PDGFD: variants seen among roughly 807,000 people sequenced by gnomAD.
The protein encoded by PDGFD is platelet-derived growth factor D.
A neutral mutation model predicts 44.7 loss-of-function variants in PDGFD; 30 were observed. That is an observed-to-expected ratio of 0.67 (90% CI 0.50 to 0.91). The LOEUF (loss-of-function observed/expected upper bound fraction) is 0.91. PDGFD is among the 40% of genes least tolerant of loss of function. The pLI, the probability that PDGFD is intolerant of heterozygous loss-of-function variation, is 0.00. For synonymous variants in PDGFD, 173 were observed against 168.4 expected (o/e 1.03, Z -0.21); for missense variants, 445 against 457.8 (o/e 0.97, Z 0.25).
intron 1 of PDGFD, among the ~76,000 whole-genome samples, chr11:104,033,618 G>A (rs1231022846): frequency 6.6e-6 from 1 of 151,928 alleles, no homozygotes. Flanking sequence ...AAAACAAAAG[G>A]AAGCTTATTC....
intron 3 of PDGFD, among the ~76,000 whole-genome samples, chr11:103,993,952 T>C (rs1859496773): frequency 1.3e-5 from 2 of 151,912 alleles, no homozygotes; most frequent in African/African-American, 4.8e-5. Context: ...AAATTGAATA[T>C]ACTGGTGGAG....
intron 1 of PDGFD, among the ~76,000 whole-genome samples, chr11:104,059,507 C>A (rs1591143574): frequency 1.3e-5 from 2 of 152,140 alleles, no homozygotes; most frequent in Non-Finnish European, 1.5e-5. Flanking sequence ...ATATTTAGCA[C>A]TAGATTGTTA....
chr11:103,971,879 TCAC>T (rs1198925346), intron 3 of PDGFD, among the ~76,000 whole-genome samples: 3 of 152,208 alleles, frequency 2.0e-5, no homozygotes, highest in Non-Finnish European at 4.4e-5. Context: ...TCGGGAATAC[TCAC>T]CACATGATTA....
At chr11:104,080,119 C>T (rs1248546135) in intron 1 of PDGFD, among the ~76,000 whole-genome samples, 1 of 151,916 alleles carries the variant, frequency 6.6e-6, no homozygotes, top group Non-Finnish European at 1.5e-5. Context: ...TACAGTGTGT[C>T]CTCTACAGAG....
intron 3 of PDGFD, among the ~76,000 whole-genome samples, chr11:103,982,018 T>C (rs937696135): frequency 1.3e-5 from 2 of 151,762 alleles, no homozygotes; most frequent in Non-Finnish European, 2.9e-5. Flanking sequence ...GTTATATGCT[T>C]CATTTCTATT....
At chr11:104,000,021 A>T (rs1211764067) in intron 2 of PDGFD, 30 bp downstream of exon 2, 2 of 1,551,868 alleles carry the variant, frequency 1.3e-6, no homozygotes, top group South Asian at 1.1e-5. Flanking sequence ...ACCTTGAAAT[A>T]GTACCGTAAA....
intron 2 of PDGFD, among the ~76,000 whole-genome samples, chr11:103,996,913 CA>C (rs1859541389): frequency 6.6e-6 from 1 of 152,104 alleles, no homozygotes; most frequent in African/African-American, 2.4e-5. Flanking sequence ...AGCTTAAGAC[CA>C]TAAGTTCACC....
chr11:103,995,056 T>G (rs1373810679), intron 3 of PDGFD, among the ~76,000 whole-genome samples: 1 of 152,084 alleles, frequency 6.6e-6, no homozygotes, highest in African/African-American at 2.4e-5. Context: ...TTTTTAAATT[T>G]TTTTTGTAGA....
At chr11:104,017,599 C>T (rs1050051846) in intron 1 of PDGFD, among the ~76,000 whole-genome samples, 1 of 152,156 alleles carries the variant, frequency 6.6e-6, no homozygotes, top group African/African-American at 2.4e-5. Flanking sequence ...ATTCCAATGC[C>T]TAAACACGAA....
At chr11:104,098,079 A>G (rs766786752) in intron 1 of PDGFD, among the ~76,000 whole-genome samples, 2 of 152,208 alleles carry the variant, frequency 1.3e-5, no homozygotes, top group Non-Finnish European at 2.9e-5. Context: ...GCCTGAAAAC[A>G]TTTCAATAAT....
intron 1 of PDGFD, among the ~76,000 whole-genome samples, chr11:104,075,651 C>T (rs1011571704): frequency 6.6e-6 from 1 of 151,990 alleles, no homozygotes; most frequent in East Asian, 1.9e-4. Context: ...CCCACCATGC[C>T]GCCCAGCTAA....
intron 1 of PDGFD, among the ~76,000 whole-genome samples, chr11:104,102,413 A>C (rs1398408566): frequency 2.0e-5 from 3 of 152,176 alleles, no homozygotes; most frequent in Non-Finnish European, 4.4e-5. Flanking sequence ...GCGATCATTA[A>C]AAAGTCAGGA....
Position 103,920,267 on chromosome 11 carries a change from C to T in PDGFD, c.987+6645G>A, listed in dbSNP as rs1321418472. 2.6e-5 allele frequency among the ~76,000 whole-genome samples: 4 copies of T among 152,186 alleles called. 1 individual carries two copies. The highest frequency in any genetic ancestry group is 1.3e-4 in the Admixed American group (2 of 15,276). On this transcript the variant is annotated intron_variant, in intron 6 of 6. Transcript: ENST00000393158. Reference sequence around the variant, plus strand: ...TGTGCATATTTACTTCAAATAGATGCGTTCTGTGAGACTCTAGGGTTACTA... The same window carrying T: ...TGTGCATATTTACTTCAAATAGATGTGTTCTGTGAGACTCTAGGGTTACTA...
At chr11:103,943,683 A>G in intron 4 of PDGFD, 33 bp from the exon 5 acceptor site, 2 of 1,563,252 alleles carry the variant, frequency 1.3e-6, no homozygotes, top group Non-Finnish European at 1.8e-6. Context: ...TGTACTCAGA[A>G]TAAGTCCATT....
At chr11:104,111,411 T>C (rs892662865) in intron 1 of PDGFD, among the ~76,000 whole-genome samples, 1 of 151,868 alleles carries the variant, frequency 6.6e-6, no homozygotes, top group Non-Finnish European at 1.5e-5. Flanking sequence ...TACAGCTGCA[T>C]GCCACCATGC....
At chr11:104,083,435 T>C (rs1346221941) in intron 1 of PDGFD, among the ~76,000 whole-genome samples, 6 of 152,158 alleles carry the variant, frequency 3.9e-5, no homozygotes, top group East Asian at 1.9e-4. Context: ...CATTCCACAA[T>C]AGGAGGAAGT....
chr11:103,907,297 A>AC lies in PDGFD; in HGVS notation c.*2396dup, dbSNP rs1473975724. On this transcript the variant is annotated 3_prime_UTR_variant, in exon 7 of 7. Transcript: ENST00000393158. ...CTGCATGTTACCGATATGACAAAAA[A>AC]CATAAAAAACTCTACTTATGAAAGT... is the stretch of plus-strand genomic sequence containing the variant. 1 of 152,240 alleles carries AC rather than the reference A, an allele frequency of 6.6e-6. No homozygotes were observed. The highest frequency in any genetic ancestry group is 2.4e-5 in the African/African-American group (1 of 41,456). 9.4% of individuals were successfully genotyped at this position (152,240 alleles called of 1,614,324 possible). A position where few individuals can be genotyped will look rare whatever the true frequency, so the allele number is the denominator to read the frequency against.
At chr11:103,982,772 A>C (rs1859291058) in intron 3 of PDGFD, among the ~76,000 whole-genome samples, 1 of 151,776 alleles carries the variant, frequency 6.6e-6, no homozygotes, top group African/African-American at 2.4e-5. Context: ...GACACCAACA[A>C]CAGGCAAGCT....
intron 1 of PDGFD, among the ~76,000 whole-genome samples, chr11:104,015,845 A>G (rs1859852225): frequency 6.6e-6 from 1 of 152,138 alleles, no homozygotes; most frequent in African/African-American, 2.4e-5. Flanking sequence ...ACAGAGACAC[A>G]GACAGTCCCT....
Sources: allele counts gnomAD v4.1 joint callset (sites outside exome capture counted in the v4.1 genomes callset), GRCh38; gene constraint gnomAD v4.1.1; transcripts MANE v1.5; gene names NCBI Gene and HGNC (gene_info 2026-07-23, HGNC 2026-07-21).